The following ZBTB25 variants were observed in gnomAD, a reference collection of about 807,000 sequenced individuals.
ZBTB25 encodes the protein zinc finger and BTB domain containing 25, also known as zinc finger and BTB domain-containing protein 25.
A neutral mutation model predicts 34.2 loss-of-function variants in ZBTB25; 20 were observed. The ratio of observed to expected loss-of-function variants is 0.58; its 90% confidence interval spans 0.41 to 0.85. ZBTB25 has a LOEUF of 0.85. Ranked by LOEUF, ZBTB25 falls within the 40% of genes least tolerant of loss-of-function variation. The probability of loss-of-function intolerance (pLI) is 0.00; values close to 1 mark genes in which losing one functional copy is unlikely to be tolerated. For missense variants in ZBTB25, 437 were observed against 521.8 expected, an observed-to-expected ratio of 0.84 and a Z score of 1.58; for synonymous variants, 175 against 186.4, an observed-to-expected ratio of 0.94 and a Z score of 0.50.
At chr14:64,500,524 C>T (rs185498045) in intron 1 of ZBTB25, among the ~76,000 whole-genome samples, 140 of 137,664 alleles carry the variant, frequency 1.0e-3, no homozygotes, top group African/African-American at 3.6e-3. Flanking sequence ...GAAAGCAGAA[C>T]GGTAAATAAA....
At chr14:64,450,926 G>A (rs938930184) in intron 2 of ZBTB25, among the ~76,000 whole-genome samples, 1 of 152,114 alleles carries the variant, frequency 6.6e-6, no homozygotes, top group Non-Finnish European at 1.5e-5. Flanking sequence ...CCAGCACTTT[G>A]GGAGGCCGAG....
intron 1 of ZBTB25, among the ~76,000 whole-genome samples, chr14:64,492,741 T>C (rs2079128242): frequency 6.6e-6 from 1 of 152,166 alleles, no homozygotes; most frequent in Non-Finnish European, 1.5e-5. Context: ...TGGTTAATGG[T>C]CTGTTGGTAA....
intron 1 of ZBTB25, among the ~76,000 whole-genome samples, chr14:64,493,856 AAAG>A (rs1207463535): frequency 5.5e-4 from 83 of 151,976 alleles, no homozygotes; most frequent in African/African-American, 1.3e-3. Flanking sequence ...AAAAAAAAAA[AAAG>A]AAGAAGAAGA....
upstream of ZBTB25, chr14:64,504,818 C>G: frequency 5.1e-6 from 2 of 389,986 alleles, no homozygotes; most frequent in Non-Finnish European, 9.1e-6. Context: ...CGCAGCCCAG[C>G]CCGAGCGCCG....
Position 64,485,450 on chromosome 14 carries a change from G to T in ZBTB25, c.*1473C>A. On this transcript the variant is annotated 3_prime_UTR_variant, in exon 3 of 3. Transcript: ENST00000608382. ...CAGAAACAATTTAGATCTATCCTTTGTGGTGAAGCTTAACCAGCTATTTCC... is the reference window on the plus strand; with the variant it reads ...CAGAAACAATTTAGATCTATCCTTTTTGGTGAAGCTTAACCAGCTATTTCC... 1.0e-6 allele frequency: 1 copy of T among 985,336 alleles called. No individual in the cohort carries two copies. Among genetic ancestry groups the T allele is most frequent in the Non-Finnish European group, 1.2e-6 (1 of 829,840 alleles). 61.0% of individuals were successfully genotyped at this position (985,336 alleles called of 1,614,324 possible).
At chr14:64,452,035 C>G (rs2078381416) in intron 2 of ZBTB25, among the ~76,000 whole-genome samples, 1 of 152,214 alleles carries the variant, frequency 6.6e-6, no homozygotes, top group African/African-American at 2.4e-5. Flanking sequence ...TGTGGTCACA[C>G]CTGTAATCCC....
intron 2 of ZBTB25, chr14:64,468,262 A>T: frequency 1.3e-6 from 1 of 767,058 alleles, no homozygotes; most frequent in Non-Finnish European, 2.1e-6. Flanking sequence ...AACTGTATGG[A>T]GTAAGATGAA....
downstream of ZBTB25, among the ~76,000 whole-genome samples, chr14:64,476,286 A>G (rs2078718370): frequency 6.6e-6 from 1 of 152,260 alleles, no homozygotes; most frequent in African/African-American, 2.4e-5. Flanking sequence ...AGAACTTTAG[A>G]ATATCACTTC....
intron 2 of ZBTB25, chr14:64,472,482 TTTAC>T (rs1472243692): frequency 6.0e-6 from 1 of 166,942 alleles, no homozygotes; most frequent in Admixed American, 6.5e-5. Flanking sequence ...ATACTAGGTT[TTTAC>T]TTTTTTCACT....
intron 2 of ZBTB25, chr14:64,455,108 A>C: frequency 1.9e-6 from 1 of 523,714 alleles, no homozygotes; most frequent in South Asian, 2.0e-5. Context: ...ACTCATACTG[A>C]ATAAAAAATT....
At position 64,486,751 on chromosome 14, in the gene ZBTB25, C is replaced by T; in HGVS notation, c.*172G>A. ...TAATTGAATGTTACATTTTAATAGC[C>T]ACATATTAATATGTCTTATGAGAAG... is the stretch of plus-strand genomic sequence containing the variant. On this transcript the variant is annotated 3_prime_UTR_variant, in exon 3 of 3. Transcript: ENST00000608382. 1.6e-6 allele frequency: 2 copies of T among 1,268,606 alleles called. No individual in the cohort carries two copies. The highest frequency in any genetic ancestry group is 3.0e-5 in the South Asian group (1 of 33,412). The allele number at this position is 1,268,606 out of a possible 1,614,324, so 78.6% of individuals were successfully genotyped here.
intron 2 of ZBTB25, chr14:64,472,704 G>A (rs1228148067): frequency 6.0e-6 from 1 of 166,818 alleles, no homozygotes; most frequent in African/African-American, 2.4e-5. Flanking sequence ...CTATTACAGT[G>A]AATTCTAAGG....
chr14:64,475,147 A>G (rs1443040947), downstream of ZBTB25, among the ~76,000 whole-genome samples: 1 of 152,154 alleles, frequency 6.6e-6, no homozygotes, highest in East Asian at 1.9e-4. Context: ...CAGGATTTTT[A>G]AAAGTTTTAT....
In ZBTB25 at chr14:64,480,856, G is replaced by A. The variant is rs2078781462; in HGVS notation, c.*6067C>T. 6.6e-6 allele frequency: 1 copy of A among 151,726 alleles called. No individual in the cohort carries two copies. The highest frequency in any genetic ancestry group is 2.4e-5 in the African/African-American group (1 of 41,266). The allele number at this position is 151,726 out of a possible 1,614,324, so 9.4% of individuals were successfully genotyped here. A position where few individuals can be genotyped will look rare whatever the true frequency, so the allele number is the denominator to read the frequency against. ...AGGGTTTCACCATGTTGTCCAGGAT[G>A]GTCTCGATCTCCTAACTTCATAATC... On this transcript the variant is annotated 3_prime_UTR_variant, in exon 3 of 3. Coordinates refer to ENST00000608382, the MANE Select transcript of ZBTB25 (RefSeq NM_006977.5).
At chr14:64,459,401 G>C (rs1248510665) in intron 2 of ZBTB25, among the ~76,000 whole-genome samples, 1 of 152,152 alleles carries the variant, frequency 6.6e-6, no homozygotes, top group African/African-American at 2.4e-5. Context: ...GGATATCAAA[G>C]GGTCATAGTA....
chr14:64,493,247 G>C (rs766426084), intron 1 of ZBTB25, among the ~76,000 whole-genome samples: 1 of 152,228 alleles, frequency 6.6e-6, no homozygotes, highest in Non-Finnish European at 1.5e-5. Flanking sequence ...GGAGAACAGA[G>C]CGTGGTAGTT....
chr14:64,482,830 A>G lies in ZBTB25; in HGVS notation c.*4093T>C, dbSNP rs1165174081. 6.6e-6 allele frequency: 1 copy of G among 152,246 alleles called. No homozygotes were observed. Among genetic ancestry groups the G allele is most frequent in the East Asian group, 1.9e-4 (1 of 5,206 alleles). The allele number at this position is 152,246 out of a possible 1,614,324, so 9.4% of individuals were successfully genotyped here. ...AATGTCGTTTATATGGTTGATTTTA[A>G]TCAATAATACTGAGAGAACTTAACA... On this transcript the variant is annotated 3_prime_UTR_variant, in exon 3 of 3. Transcript: ENST00000608382.
chr14:64,500,716 A>C lies in ZBTB25; in HGVS notation c.-8+2945T>G, dbSNP rs2079462735. ...AGGCTGAGGCAGAAGAATTGCCAAT[A>C]AGGGGGAAAAACTCAAATGTCCATG... On this transcript the variant is annotated intron_variant, in intron 1 of 2. Transcript: ENST00000608382. Among the ~76,000 whole-genome samples, 3 of 152,014 alleles carry C rather than the reference A, an allele frequency of 2.0e-5. No individual in the cohort carries two copies. The South Asian group carries it at 6.2e-4, about 32-fold the overall frequency.
At chr14:64,500,454 CAAAAAAA>C (rs374975040) in intron 1 of ZBTB25, among the ~76,000 whole-genome samples, 8 of 52,076 alleles carry the variant, frequency 1.5e-4, no homozygotes, top group East Asian at 6.2e-4. Context: ...CCCAATAAAG[CAAAAAAA>C]AAAAAAAAAA....
Sources: allele counts gnomAD v4.1 joint callset (sites outside exome capture counted in the v4.1 genomes callset), GRCh38; gene constraint gnomAD v4.1.1; transcripts MANE v1.5; gene names NCBI Gene and HGNC (gene_info 2026-07-23, HGNC 2026-07-21).